Variants in VPS36 observed in about 807,000 individuals in gnomAD.
The protein encoded by VPS36 is vacuolar protein sorting 36 homolog.
VPS36 carries 31 observed loss-of-function variants against 63.5 expected under a neutral mutation model. The observed-to-expected ratio is 0.49, with a 90% CI of 0.37 to 0.66. The LOEUF (loss-of-function observed/expected upper bound fraction) is 0.66, where lower values mean the gene tolerates loss of function less well. Ranked by LOEUF, VPS36 falls within the 30% of genes least tolerant of loss-of-function variation. The pLI is 0.00. For missense variants in VPS36, 338 were observed against 463.7 expected (o/e 0.73, Z 2.49); for synonymous variants, 138 against 157.2 (o/e 0.88, Z 0.91).
At position 52,433,706 on chromosome 13, in the gene VPS36, T is replaced by C. The variant is rs764254757; in HGVS notation, c.484A>G (p.Lys162Glu). Residue 162 changes from lysine (K) to glutamate (E), a missense_variant, in exon 6 of 14, where the codon AAA becomes GAA. Coordinates refer to ENST00000378060, the MANE Select transcript of VPS36 (RefSeq NM_016075.4). ...GTTTCTTTTCTTTTTTCTTCCAGTTTCCTTTCAATACCTACAATTCCTACA... is the reference window on the plus strand; with the variant it reads ...GTTTCTTTTCTTTTTTCTTCCAGTTCCCTTTCAATACCTACAATTCCTACA... Reference protein sequence around the residue: ...RAVGIVGIERKLEEKRKETDK... With the variant: ...RAVGIVGIERELEEKRKETDK... The C allele has an allele frequency of 6.2e-7, 1 of 1,613,500 alleles. No individual in the cohort carries two copies. The highest frequency in any genetic ancestry group is 2.2e-5 in the East Asian group (1 of 44,826).
intron 3 of VPS36, among the ~76,000 whole-genome samples, chr13:52,438,644 G>A (rs1368336687): frequency 1.3e-5 from 2 of 152,032 alleles, no homozygotes; most frequent in Non-Finnish European, 2.9e-5. Context: ...GGTGTGCCTG[G>A]GATAGTCCCA....
intron 5 of VPS36, 121 bp from the exon 6 acceptor site, chr13:52,433,869 C>G: frequency 1.4e-6 from 1 of 737,950 alleles, no homozygotes; most frequent in Non-Finnish European, 2.2e-6. Context: ...CAAAGAAAAA[C>G]AGCATACACG....
At chr13:52,416,299 A>C (rs898305626) in intron 12 of VPS36, 1 of 548,178 alleles carries the variant, frequency 1.8e-6, no homozygotes, top group Non-Finnish European at 3.2e-6. Flanking sequence ...TACCCAGAAG[A>C]GACATAGTAG....
At chr13:52,435,384 G>T (rs1333735753) in intron 4 of VPS36, among the ~76,000 whole-genome samples, 4 of 150,818 alleles carry the variant, frequency 2.7e-5, no homozygotes, top group Non-Finnish European at 5.9e-5. Context: ...GCTTCAGAAA[G>T]CACAAGGGAA....
intron 2 of VPS36, among the ~76,000 whole-genome samples, chr13:52,440,957 A>G (rs1266208938): frequency 1.3e-5 from 2 of 152,176 alleles, no homozygotes; most frequent in Non-Finnish European, 1.5e-5. Context: ...AAGGGAGGGC[A>G]TGACCTAGAT....
chr13:52,432,373 A>AAAACG lies in VPS36; in HGVS notation c.528+1288_528+1289insCGTTT, dbSNP rs1958168457. Among the ~76,000 whole-genome samples, 8 of 152,186 alleles carry AAAACG rather than the reference A, an allele frequency of 5.3e-5. No homozygotes were observed. In the South Asian group the frequency reaches 1.7e-3, roughly 32 times the overall value. On this transcript the variant is annotated intron_variant, in intron 6 of 13. Transcript: ENST00000378060. ...CTCAAAAAACAAAACAAAACAAAAC[A>AAAACG]AAAAAACAAACAAACCTAATTAGTC...
chr13:52,419,853 T>C (rs1237515007), intron 10 of VPS36, among the ~76,000 whole-genome samples: 3 of 152,044 alleles, frequency 2.0e-5, no homozygotes, highest in Non-Finnish European at 4.4e-5. Flanking sequence ...TTCATGCAGA[T>C]AGAGAGTAGA....
chr13:52,434,018 T>C (rs1389084536), intron 5 of VPS36, among the ~76,000 whole-genome samples: 1 of 152,216 alleles, frequency 6.6e-6, no homozygotes, highest in Non-Finnish European at 1.5e-5. Context: ...TTCCTATCAT[T>C]TTCCTTCTTT....
At chr13:52,444,229 G>A (rs886293190) in intron 1 of VPS36, among the ~76,000 whole-genome samples, 5 of 152,052 alleles carry the variant, frequency 3.3e-5, no homozygotes, top group Non-Finnish European at 5.9e-5. Context: ...AGGCCAAGGC[G>A]GGTGGATCAC....
chr13:52,448,000 T>A (rs941268744), intron 1 of VPS36, among the ~76,000 whole-genome samples: 51 of 152,164 alleles, frequency 3.4e-4, no homozygotes, highest in Admixed American at 1.3e-4. Context: ...GATGAGAGGA[T>A]TAAATGAGAT....
intron 8 of VPS36, 47 bp from the exon 9 acceptor site, chr13:52,426,113 T>C (rs753951714): frequency 1.3e-6 from 2 of 1,596,304 alleles, no homozygotes; most frequent in South Asian, 2.3e-5. Context: ...TCCACCTCAA[T>C]ATTTGAAATT....
chr13:52,444,499 CATATAT>C (rs1197527584), intron 1 of VPS36, among the ~76,000 whole-genome samples: 2 of 146,900 alleles, frequency 1.4e-5, no homozygotes, highest in African/African-American at 2.5e-5. Context: ...AATACATATA[CATATAT>C]ATGTATAAAA....
chr13:52,432,285 A>G (rs574271756), intron 6 of VPS36, among the ~76,000 whole-genome samples: 2 of 152,246 alleles, frequency 1.3e-5, no homozygotes, highest in South Asian at 4.1e-4. Context: ...TGGGAGGCAG[A>G]GCTTGCAGTG....
At chr13:52,431,245 G>A (rs1566086276) in intron 6 of VPS36, among the ~76,000 whole-genome samples, 1 of 152,116 alleles carries the variant, frequency 6.6e-6, no homozygotes, top group Non-Finnish European at 1.5e-5. Context: ...ACAAAGAATG[G>A]GGAAAACACA....
chr13:52,423,799 C>T (rs575334357), intron 9 of VPS36, among the ~76,000 whole-genome samples, 160 bp from the exon 10 acceptor site: 1 of 152,160 alleles, frequency 6.6e-6, no homozygotes, highest in Admixed American at 6.5e-5. Flanking sequence ...ATTCAGATAC[C>T]ACAAGGCAGT....
At position 52,420,553 on chromosome 13, in the gene VPS36, G is replaced by A. The variant is rs149727722; in HGVS notation, c.841-2497C>T. Among the ~76,000 whole-genome samples, 499 of 151,662 alleles carry A rather than the reference G, an allele frequency of 3.3e-3. 3 individuals are homozygous for A. The highest frequency in any genetic ancestry group is 0.011 in the African/African-American group (450 of 41,440). ...TCGCCATGTTGGCCAGGGTGGTCTCGAACTTCTGACTTCAGGCGATCTGCC... is the reference window on the plus strand; with the variant it reads ...TCGCCATGTTGGCCAGGGTGGTCTCAAACTTCTGACTTCAGGCGATCTGCC... On this transcript the variant is annotated intron_variant, in intron 10 of 13. Coordinates refer to ENST00000378060, the MANE Select transcript of VPS36 (RefSeq NM_016075.4).
intron 12 of VPS36, 67 bp from the exon 13 acceptor site, chr13:52,416,160 G>A (rs896365466): frequency 6.8e-7 from 1 of 1,478,488 alleles, no homozygotes; most frequent in Non-Finnish European, 9.4e-7. Flanking sequence ...CACACTCTGG[G>A]TTCTAATGGT....
chr13:52,418,267 T>C (rs1201750195), intron 10 of VPS36, among the ~76,000 whole-genome samples: 2 of 140,516 alleles, frequency 1.4e-5, no homozygotes, highest in East Asian at 2.1e-4. Flanking sequence ...GCAAATTTTA[T>C]AGTAGCCACA....
At chr13:52,446,879 A>ATT (rs531529195) in intron 1 of VPS36, among the ~76,000 whole-genome samples, 183 of 138,366 alleles carry the variant, frequency 1.3e-3, no homozygotes, top group Middle Eastern at 3.8e-3. Context: ...GCATGCCATA[A>ATT]TTTTTTTTTT....
Sources: allele counts gnomAD v4.1 joint callset (sites outside exome capture counted in the v4.1 genomes callset), GRCh38; gene constraint gnomAD v4.1.1; transcripts MANE v1.5; gene names NCBI Gene and HGNC (gene_info 2026-07-23, HGNC 2026-07-21).